VLDLR: variants seen among roughly 807,000 people sequenced by gnomAD.
The protein encoded by VLDLR is very low-density lipoprotein receptor.
Under a neutral mutation model 112.7 loss-of-function variants are expected in VLDLR, and 81 were observed. The ratio of observed to expected loss-of-function variants is 0.72; its 90% CI spans 0.60 to 0.86. The LOEUF is 0.86. VLDLR is among the 40% of genes least tolerant of loss of function. The pLI, the probability that VLDLR is intolerant of heterozygous loss-of-function variation, is 0.00. For synonymous variants in VLDLR, 436 were observed against 384.8 expected (o/e 1.13, Z -1.56); for missense variants, 1,237 against 1,099.4 (o/e 1.13, Z -1.77).
Position 2,655,353 on chromosome 9 carries a change from G to C in VLDLR, c.*1485G>C, listed in dbSNP as rs1490703136. 3 of 152,112 alleles carry C rather than the reference G, an allele frequency of 2.0e-5. No homozygotes were observed. The highest frequency in any genetic ancestry group is 2.1e-4 in the South Asian group (1 of 4,824). 9.4% of individuals were successfully genotyped at this position (152,112 alleles called of 1,614,324 possible). On this transcript the variant is annotated 3_prime_UTR_variant, in exon 19 of 19. Coordinates refer to ENST00000382100, the MANE Select transcript of VLDLR (RefSeq NM_003383.5). ...TTACTTTCTTTCTCTAAAGTCTCAG[G>C]ATGTCTGGAAGCAAGGAAAGACAAA...
In VLDLR at chr9:2,657,578, G is replaced by GTAT. The variant is rs1328166956; in HGVS notation, c.*3713_*3715dup. The GTAT allele has an allele frequency of 5.3e-5, 8 of 152,200 alleles. No individual in the cohort carries two copies. Among genetic ancestry groups the GTAT allele is most frequent in the Admixed American group, 5.2e-4 (8 of 15,268 alleles). The allele number at this position is 152,200 out of a possible 1,614,324, so 9.4% of individuals were successfully genotyped here. On this transcript the variant is annotated 3_prime_UTR_variant, in exon 19 of 19. Transcript: ENST00000382100. ...AAACCACATATATATAATCCCCTGG[G>GTAT]TATTACATATTCTGCAAGCCCTGTT... is the stretch of plus-strand genomic sequence containing the variant.
chr9:2,622,143 C>T lies in VLDLR; in HGVS notation c.-47C>T, dbSNP rs1355636822. 4.3e-6 allele frequency: 6 copies of T among 1,387,450 alleles called. No homozygotes were observed. Among genetic ancestry groups the T allele is most frequent in the Non-Finnish European group, 5.7e-6 (6 of 1,057,328 alleles). The allele number at this position is 1,387,450 out of a possible 1,614,324, so 85.9% of individuals were successfully genotyped here. A position where few individuals can be genotyped will look rare whatever the true frequency, so the allele number is the denominator to read the frequency against. ...AGGACTGGTAACTTGTCGTGCGGAG[C>T]GAACGGCGGCGGCGGCGGCGGCGGC... is the stretch of plus-strand genomic sequence containing the variant. On this transcript the variant is annotated 5_prime_UTR_variant, in exon 1 of 19. Transcript: ENST00000382100.
rs146659656 is a variant in VLDLR at position 2,639,274 on chromosome 9, CAAAG to C, written c.203-583_203-580del. On this transcript the variant is annotated intron_variant, in intron 2 of 18. Transcript: ENST00000382100. The stretch of plus-strand genomic sequence containing the variant: ...CACTGTGTCCTTACATAGTAGATAA[CAAAG>C]AGAGAGAGAGTAAGCGCTCTGGTTT... 4.3e-4 allele frequency among the ~76,000 whole-genome samples: 66 copies of C among 152,296 alleles called. No individual in the cohort carries two copies. The East Asian group carries it at 0.012, about 28-fold the overall frequency.
chr9:2,648,660 C>G lies in VLDLR; in HGVS notation c.1963-9C>G. 1 of 1,614,186 alleles carries G rather than the reference C, an allele frequency of 6.2e-7. No individual in the cohort carries two copies. Among genetic ancestry groups the G allele is most frequent in the Non-Finnish European group, 8.5e-7 (1 of 1,180,028 alleles). Reference sequence around the variant, plus strand: ...GGATGTACATGCTAATTGTGGGCTTCTGTTTTAGGATCGTGTCTACTGGAT... The same window carrying G: ...GGATGTACATGCTAATTGTGGGCTTGTGTTTTAGGATCGTGTCTACTGGAT... On this transcript the variant is annotated splice_polypyrimidine_tract_variant and intron_variant, in intron 13 of 18. Transcript: ENST00000382100.
intron 17 of VLDLR, 146 bp from the exon 18 acceptor site, chr9:2,652,634 T>C (rs1306718428): frequency 1.1e-5 from 12 of 1,101,310 alleles, no homozygotes; most frequent in Non-Finnish European, 1.6e-5. Flanking sequence ...CTGGCCCATG[T>C]GTATTCCAAC....
intron 13 of VLDLR, 76 bp downstream of exon 13, chr9:2,648,423 G>T: frequency 6.2e-7 from 1 of 1,604,134 alleles, no homozygotes; most frequent in South Asian, 1.1e-5. Context: ...AGACATAGCG[G>T]GAGGAGGGAA....
chr9:2,643,224 T>C lies in VLDLR; in HGVS notation c.513T>C (p.Phe171=). 6.2e-7 allele frequency: 1 copy of C among 1,614,092 alleles called. No individual in the cohort carries two copies. Among genetic ancestry groups the C allele is most frequent in the Non-Finnish European group, 8.5e-7 (1 of 1,180,022 alleles). The part of the protein sequence containing the change: ...CSSGRCISRN[F]VCNGQDDCSD... ...GTGGCCGCTGCATCTCCAGGAACTT[T>C]GTATGCAATGGCCAGGATGACTGCA... The change falls in exon 5 of 19, where the codon TTT becomes TTC. Residue 171 remains phenylalanine (F), a synonymous_variant. Transcript: ENST00000382100.
rs894559367 is a variant in VLDLR, at chr9:2,621,823, GC to G, written c.-366del. 2.0e-6 allele frequency: 1 copy of G among 489,706 alleles called. No homozygotes were observed. The highest frequency in any genetic ancestry group is 2.0e-5 in the African/African-American group (1 of 49,022). 30.3% of individuals were successfully genotyped at this position (489,706 alleles called of 1,614,324 possible). On this transcript the variant is annotated 5_prime_UTR_variant, in exon 1 of 19. Coordinates refer to ENST00000382100, the MANE Select transcript of VLDLR (RefSeq NM_003383.5). Reference sequence around the variant, plus strand: ...CGGCCGCCGCCGGTGCGGGTGCTCCGCTACCGGCTCCTCTCCGTTCTGTGCT... The same window carrying G: ...CGGCCGCCGCCGGTGCGGGTGCTCCGTACCGGCTCCTCTCCGTTCTGTGCT...
chr9:2,639,755 T>C, intron 2 of VLDLR, 104 bp from the exon 3 acceptor site: 1 of 1,592,920 alleles, frequency 6.3e-7, no homozygotes. Flanking sequence ...TGACTCAGCT[T>C]TTTTTTAGAG....
In VLDLR at chr9:2,650,477, A is replaced by G; in HGVS notation, c.2212A>G (p.Ser738Gly). Reference sequence around the variant, plus strand: ...TCCAAAATATACCTGTTCCTGTCCCAGTGGGTACAATGTAGAGGAAAATGG... The same window carrying G: ...TCCAAAATATACCTGTTCCTGTCCCGGTGGGTACAATGTAGAGGAAAATGG... The part of the protein sequence containing the change: ...HSPKYTCSCP[S>G]GYNVEENGRD... Residue 738 changes from serine (S) to glycine (G), a missense_variant, in exon 15 of 19, where the codon AGT (serine) becomes GGT (glycine). Coordinates refer to ENST00000382100, the MANE Select transcript of VLDLR (RefSeq NM_003383.5). 1 of 1,614,096 alleles carries G rather than the reference A, an allele frequency of 6.2e-7. No individual in the cohort carries two copies. Among genetic ancestry groups the G allele is most frequent in the Non-Finnish European group, 8.5e-7 (1 of 1,180,018 alleles).
At chr9:2,637,050 A>G (rs1317032917) in intron 2 of VLDLR, among the ~76,000 whole-genome samples, 3 of 152,242 alleles carry the variant, frequency 2.0e-5, no homozygotes, top group African/African-American at 7.2e-5. Context: ...AAAAAGAGGT[A>G]GATGTATATC....
chr9:2,641,636 C>G (rs1817829529), intron 4 of VLDLR, 137 bp downstream of exon 4: 4 of 1,312,576 alleles, frequency 3.0e-6, no homozygotes, highest in Non-Finnish European at 4.3e-6. Context: ...TGCTCAATTA[C>G]TTGTCCTTCA....
intron 1 of VLDLR, among the ~76,000 whole-genome samples, chr9:2,630,899 A>C (rs35535327): frequency 1.2e-3 from 188 of 152,342 alleles, no homozygotes; most frequent in African/African-American, 4.1e-3. Flanking sequence ...AACCTGCCGA[A>C]TGGGAGAAAA....
At chr9:2,634,647 C>G (rs1817521370) in intron 1 of VLDLR, among the ~76,000 whole-genome samples, 1 of 152,212 alleles carries the variant, frequency 6.6e-6, no homozygotes, top group Non-Finnish European at 1.5e-5. Context: ...GAAATCGAAA[C>G]TACATCTTCA....
intron 2 of VLDLR, among the ~76,000 whole-genome samples, chr9:2,638,948 C>T (rs1817715487): frequency 6.6e-6 from 1 of 152,204 alleles, no homozygotes; most frequent in Admixed American, 6.5e-5. Flanking sequence ...TCTTGTTACA[C>T]TGATTGAGTT....
At chr9:2,652,994 CTT>C in intron 18 of VLDLR, 45 bp downstream of exon 18, 1 of 1,612,624 alleles carries the variant, frequency 6.2e-7, no homozygotes, top group Non-Finnish European at 8.5e-7. Context: ...TGAAGTGAGA[CTT>C]TTCAGAAAGG....
At chr9:2,640,696 T>C (rs1817785547) in intron 3 of VLDLR, among the ~76,000 whole-genome samples, 1 of 152,160 alleles carries the variant, frequency 6.6e-6, no homozygotes, top group Admixed American at 6.5e-5. Context: ...GAACACAGTT[T>C]AGGTCTAAAG....
chr9:2,648,367 A>G lies in VLDLR; in HGVS notation c.1962+20A>G, dbSNP rs1312523651. 3 of 1,614,082 alleles carry G rather than the reference A, an allele frequency of 1.9e-6. No individual in the cohort carries two copies. The highest frequency in any genetic ancestry group is 1.7e-6 in the Non-Finnish European group (2 of 1,179,984). On this transcript the variant is annotated intron_variant, in intron 13 of 18. Coordinates refer to ENST00000382100, the MANE Select transcript of VLDLR (RefSeq NM_003383.5). ...TTTGAGGTAAGATGTGTCTCACATC[A>G]AAGTGTGTACCTTTGAGCTACTATA...
At chr9:2,651,679 T>G (rs191615586) in intron 16 of VLDLR, among the ~76,000 whole-genome samples, 181 bp downstream of exon 16, 1 of 152,336 alleles carries the variant, frequency 6.6e-6, no homozygotes, top group South Asian at 2.1e-4. Context: ...AGGTTTCTAG[T>G]AGAGAACTGT....
Sources: gnomAD v4.1 joint callset for allele counts (sites outside exome capture counted in the v4.1 genomes callset) on GRCh38, gnomAD v4.1.1 for gene constraint, MANE v1.5 for transcripts, NCBI Gene and HGNC (gene_info 2026-07-23, HGNC 2026-07-21) for gene names.